Variants in DLC1 observed in about 807,000 individuals in gnomAD.
The protein encoded by DLC1 is rho GTPase-activating protein 7.
A neutral mutation model predicts 140.3 loss-of-function variants in DLC1; 54 were observed. The observed-to-expected ratio is 0.38, with a 90% confidence interval of 0.31 to 0.48. The LOEUF (loss-of-function observed/expected upper bound fraction) is 0.48. DLC1 is among the 20% of genes least tolerant of loss of function. DLC1 has a pLI of 0.96. For synonymous variants in DLC1, 986 were observed against 728.1 expected (o/e 1.35, Z -5.70); for missense variants, 2,536 against 1,907.0 (o/e 1.33, Z -6.14).
chr8:13,204,560 TACAC>T (rs928913640), intron 5 of DLC1, among the ~76,000 whole-genome samples: 4 of 152,112 alleles, frequency 2.6e-5, no homozygotes, highest in Non-Finnish European at 4.4e-5. Flanking sequence ...TTTTACTTCA[TACAC>T]ACACACAGTC....
rs762466614 is a variant in DLC1, at chr8:13,509,941, T to C, written c.-126+4661A>G. ...TTAATAACAATGAGATTATAATATATGTAAAACACTTAGTCCATGGCACAT... is the reference window on the plus strand; with the variant it reads ...TTAATAACAATGAGATTATAATATACGTAAAACACTTAGTCCATGGCACAT... On this transcript the variant is annotated intron_variant, in intron 1 of 17. Coordinates refer to ENST00000276297, the MANE Select transcript of DLC1 (RefSeq NM_182643.3). Among the ~76,000 whole-genome samples, 62 of 152,278 alleles carry C rather than the reference T, an allele frequency of 4.1e-4. 1 individual carries two copies. The Middle Eastern group carries it at 0.014, about 33-fold the overall frequency.
chr8:13,554,983 G>T (rs1563437837), intron 1 of DLC1, among the ~76,000 whole-genome samples: 1 of 152,168 alleles, frequency 6.6e-6, no homozygotes, highest in Non-Finnish European at 1.5e-5. Context: ...AAGCATCTTT[G>T]CTTTTCTTTA....
chr8:13,600,159 A>G (rs1380106387), intron 1 of DLC1, among the ~76,000 whole-genome samples: 3 of 151,946 alleles, frequency 2.0e-5, no homozygotes, highest in Admixed American at 6.6e-5. Context: ...GCCCCAAAGT[A>G]TGTAATTCTC....
chr8:13,581,694 C>T (rs1364770701), intron 1 of DLC1, among the ~76,000 whole-genome samples: 2 of 152,150 alleles, frequency 1.3e-5, no homozygotes, highest in African/African-American at 4.8e-5. Context: ...GGTAATCTTT[C>T]AAAGATGTGC....
At chr8:13,383,206 T>G (rs1213756262) in intron 4 of DLC1, among the ~76,000 whole-genome samples, 1 of 152,200 alleles carries the variant, frequency 6.6e-6, no homozygotes, top group Non-Finnish European at 1.5e-5. Context: ...TATGAATGAT[T>G]CCAGCCAAAG....
intron 4 of DLC1, among the ~76,000 whole-genome samples, chr8:13,311,529 T>C (rs541368545): frequency 2.0e-5 from 3 of 152,354 alleles, no homozygotes; most frequent in East Asian, 3.9e-4. Context: ...AGAAACGTCA[T>C]TGATGCTGTG....
intron 5 of DLC1, among the ~76,000 whole-genome samples, chr8:13,295,355 G>A (rs1831904974): frequency 6.6e-6 from 1 of 152,184 alleles, no homozygotes; most frequent in Admixed American, 6.5e-5. Context: ...TAGTTAAGTA[G>A]AAATTTAAGA....
At chr8:13,591,387 G>A (rs1274155227) in intron 1 of DLC1, among the ~76,000 whole-genome samples, 6 of 151,998 alleles carry the variant, frequency 3.9e-5, no homozygotes, top group Non-Finnish European at 5.9e-5. Flanking sequence ...GAGTTATCAC[G>A]AGATCTGATG....
intron 1 of DLC1, among the ~76,000 whole-genome samples, chr8:13,540,663 G>A (rs1803453100): frequency 1.3e-5 from 2 of 152,160 alleles, no homozygotes; most frequent in Admixed American, 1.3e-4. Context: ...AATGTTTATT[G>A]GATCTGAAGT....
At chr8:13,226,162 C>T (rs1828789920) in intron 5 of DLC1, among the ~76,000 whole-genome samples, 1 of 152,172 alleles carries the variant, frequency 6.6e-6, no homozygotes, top group African/African-American at 2.4e-5. Context: ...AATCCTCCCA[C>T]CTTGGCCTTC....
chr8:13,412,931 CAAAAAAAA>C (rs771025112), intron 2 of DLC1, among the ~76,000 whole-genome samples: 1 of 94,008 alleles, frequency 1.1e-5, no homozygotes, highest in Non-Finnish European at 1.9e-5. Context: ...GACTCCATCT[CAAAAAAAA>C]AAAAAAAAAA....
At chr8:13,126,573 AT>A (rs1234206832) in intron 5 of DLC1, among the ~76,000 whole-genome samples, 1 of 152,056 alleles carries the variant, frequency 6.6e-6, no homozygotes, top group Non-Finnish European at 1.5e-5. Context: ...AAAGGTCCTT[AT>A]TTTTCTGAGT....
intron 1 of DLC1, among the ~76,000 whole-genome samples, chr8:13,563,461 A>G (rs1026760657): frequency 1.3e-5 from 2 of 152,200 alleles, no homozygotes; most frequent in African/African-American, 4.8e-5. Context: ...TTAAAAAATC[A>G]TGAGTGATGT....
chr8:13,527,350 A>T (rs1484057623), intron 1 of DLC1, among the ~76,000 whole-genome samples: 1 of 152,174 alleles, frequency 6.6e-6, no homozygotes, highest in Non-Finnish European at 1.5e-5. Flanking sequence ...TTTAGTCAGC[A>T]TGAAGCTTTT....
chr8:13,352,838 A>C (rs1834737461), intron 4 of DLC1, among the ~76,000 whole-genome samples: 1 of 152,250 alleles, frequency 6.6e-6, no homozygotes. Context: ...CATTTACAAT[A>C]CTGAATGCAC....
intron 5 of DLC1, among the ~76,000 whole-genome samples, chr8:13,290,298 A>G (rs1011106327): frequency 3.9e-5 from 6 of 152,206 alleles, no homozygotes; most frequent in Non-Finnish European, 4.4e-5. Flanking sequence ...CTTAGTGTTC[A>G]TAACAAGTCC....
intron 1 of DLC1, among the ~76,000 whole-genome samples, chr8:13,601,487 C>A (rs1451885081): frequency 2.0e-5 from 3 of 151,710 alleles, no homozygotes; most frequent in African/African-American, 4.8e-5. Context: ...AGACTATGTG[C>A]CTTATTTTTG....
chr8:13,545,666 G>C (rs1376970673), intron 1 of DLC1, among the ~76,000 whole-genome samples: 1 of 151,940 alleles, frequency 6.6e-6, no homozygotes, highest in East Asian at 1.9e-4. Context: ...TACTAATAAT[G>C]ACAAAGTATT....
intron 5 of DLC1, among the ~76,000 whole-genome samples, chr8:13,237,583 A>G (rs1425202996): frequency 6.6e-6 from 1 of 151,982 alleles, no homozygotes. Flanking sequence ...CAGTGTACCC[A>G]CTGTGTAGAC....
Sources: allele counts gnomAD v4.1 joint callset (sites outside exome capture counted in the v4.1 genomes callset), GRCh38; gene constraint gnomAD v4.1.1; transcripts MANE v1.5; gene names NCBI Gene and HGNC (gene_info 2026-07-23, HGNC 2026-07-21).